EBF2: variants seen among roughly 807,000 people sequenced by gnomAD.
EBF2 encodes transcription factor COE2.
A neutral mutation model predicts 72.8 loss-of-function variants in EBF2; 21 were observed. That is an observed-to-expected ratio of 0.29 (90% confidence interval 0.20 to 0.42). EBF2 has a LOEUF of 0.42. EBF2 is among the 10% of genes least tolerant of loss of function. The probability of loss-of-function intolerance (pLI) is 1.00; values close to 1 mark genes in which losing one functional copy is unlikely to be tolerated. For synonymous variants in EBF2, 299 were observed against 274.2 expected, an observed-to-expected ratio of 1.09 and a Z score of -0.89; for missense variants, 637 against 731.2, an observed-to-expected ratio of 0.87 and a Z score of 1.49.
intron 6 of EBF2, among the ~76,000 whole-genome samples, chr8:26,005,559 T>TAGAGAGAGAGAG (rs1362114716): frequency 0.075 from 4,153 of 55,270 alleles, 180 homozygotes; most frequent in African/African-American, 0.12. Context: ...TATATATATA[T>TAGAGAGAGAGAG]ATAGAGAGAG....
At chr8:25,848,013 T>C (rs1056558144) in intron 15 of EBF2, among the ~76,000 whole-genome samples, 2 of 151,830 alleles carry the variant, frequency 1.3e-5, no homozygotes, top group African/African-American at 4.9e-5. Flanking sequence ...CCCCCAAAAT[T>C]AATGAAATTT....
chr8:26,022,905 C>T (rs1275387298), intron 6 of EBF2, among the ~76,000 whole-genome samples: 1 of 152,184 alleles, frequency 6.6e-6, no homozygotes. Context: ...ATCAAATGTC[C>T]CCTCCAGCTG....
intron 5 of EBF2, among the ~76,000 whole-genome samples, chr8:26,034,533 C>T (rs562046475): frequency 2.0e-5 from 3 of 152,102 alleles, no homozygotes; most frequent in East Asian, 1.9e-4. Context: ...GGTATCTGTT[C>T]GAAAATACCT....
intron 6 of EBF2, among the ~76,000 whole-genome samples, chr8:25,979,688 G>A (rs924779426): frequency 6.6e-6 from 1 of 151,908 alleles, no homozygotes; most frequent in Non-Finnish European, 1.5e-5. Context: ...GAAAGCTCAG[G>A]TACAGCCTCC....
At chr8:25,894,939 C>G (rs1470342188) in intron 7 of EBF2, among the ~76,000 whole-genome samples, 4 of 152,202 alleles carry the variant, frequency 2.6e-5, no homozygotes, top group Non-Finnish European at 4.4e-5. Context: ...TACAAAGGAA[C>G]TTCTATGCCT....
chr8:25,879,143 C>A (rs1208905897), intron 10 of EBF2, among the ~76,000 whole-genome samples: 1 of 152,154 alleles, frequency 6.6e-6, no homozygotes, highest in Non-Finnish European at 1.5e-5. Context: ...TGTAAAACTA[C>A]TCATTTTTCA....
chr8:25,975,231 A>G (rs1420713707), intron 6 of EBF2, among the ~76,000 whole-genome samples: 1 of 152,162 alleles, frequency 6.6e-6, no homozygotes, highest in Non-Finnish European at 1.5e-5. Context: ...ACAGGGGAAA[A>G]TGAAAGAAAC....
intron 7 of EBF2, among the ~76,000 whole-genome samples, chr8:25,900,858 G>T (rs1347374211): frequency 6.6e-6 from 1 of 152,096 alleles, no homozygotes; most frequent in Non-Finnish European, 1.5e-5. Context: ...AGAGAGGTTG[G>T]TTAATGGGTA....
intron 6 of EBF2, among the ~76,000 whole-genome samples, chr8:25,915,587 C>A: frequency 6.9e-6 from 1 of 143,972 alleles, no homozygotes; most frequent in African/African-American, 2.6e-5. Context: ...ATGGCATAGC[C>A]CAAATAGCTT....
At chr8:26,008,359 G>A (rs1006548908) in intron 6 of EBF2, among the ~76,000 whole-genome samples, 2 of 152,090 alleles carry the variant, frequency 1.3e-5, no homozygotes, top group African/African-American at 4.8e-5. Flanking sequence ...GTCCTGCCTT[G>A]ATCACTGTGA....
chr8:25,928,530 G>C (rs1563403588), intron 6 of EBF2, among the ~76,000 whole-genome samples: 1 of 152,116 alleles, frequency 6.6e-6, no homozygotes, highest in Non-Finnish European at 1.5e-5. Context: ...GTCAATAGCT[G>C]TACCATGTGA....
At chr8:25,964,926 A>G (rs1373900293) in intron 6 of EBF2, among the ~76,000 whole-genome samples, 3 of 152,160 alleles carry the variant, frequency 2.0e-5, no homozygotes, top group Admixed American at 6.5e-5. Context: ...CATCTCTTCA[A>G]TGCTGCCTTT....
chr8:25,934,141 G>A (rs1311457122), intron 6 of EBF2, among the ~76,000 whole-genome samples: 1 of 149,470 alleles, frequency 6.7e-6, no homozygotes, highest in Admixed American at 6.7e-5. Context: ...TCCCTTTGAG[G>A]GAAAAAGAAT....
At chr8:26,023,991 C>T (rs530422516) in intron 6 of EBF2, among the ~76,000 whole-genome samples, 3 of 152,314 alleles carry the variant, frequency 2.0e-5, no homozygotes, top group Non-Finnish European at 2.9e-5. Flanking sequence ...CATCTTCCAT[C>T]GCTAACAAAG....
chr8:25,930,670 G>A (rs1293737203), intron 6 of EBF2, among the ~76,000 whole-genome samples: 1 of 152,202 alleles, frequency 6.6e-6, no homozygotes, highest in East Asian at 1.9e-4. Context: ...AAATGTACTT[G>A]CAAACAAACC....
intron 6 of EBF2, among the ~76,000 whole-genome samples, chr8:25,912,032 A>G (rs1339300760): frequency 1.3e-5 from 2 of 152,172 alleles, no homozygotes; most frequent in African/African-American, 4.8e-5. Flanking sequence ...AGCCACCTAC[A>G]TAACCTCTAA....
At chr8:25,872,992 A>T (rs1251032708) in intron 10 of EBF2, among the ~76,000 whole-genome samples, 1 of 152,084 alleles carries the variant, frequency 6.6e-6, no homozygotes, top group Non-Finnish European at 1.5e-5. Flanking sequence ...CATTCCCACA[A>T]AGTCTGTCTT....
At chr8:25,996,457 C>T (rs1374257885) in intron 6 of EBF2, among the ~76,000 whole-genome samples, 2 of 151,758 alleles carry the variant, frequency 1.3e-5, no homozygotes, top group South Asian at 2.1e-4. Context: ...ACAAATCAGT[C>T]ACTTAAAAAT....
chr8:25,938,907 GCT>G (rs1285579535), intron 6 of EBF2, among the ~76,000 whole-genome samples: 2 of 152,076 alleles, frequency 1.3e-5, no homozygotes, highest in Admixed American at 6.5e-5. Flanking sequence ...AAAGCACAAA[GCT>G]CACCATTCAC....
Sources: allele counts gnomAD v4.1 joint callset (sites outside exome capture counted in the v4.1 genomes callset), GRCh38; gene constraint gnomAD v4.1.1; transcripts MANE v1.5; gene names NCBI Gene and HGNC (gene_info 2026-07-23, HGNC 2026-07-21).